The following ZNF713 variants were observed in gnomAD, a reference collection of about 807,000 sequenced individuals.
ZNF713 encodes zinc finger protein 713.
In ZNF713, 21 loss-of-function variants were observed where a neutral mutation model predicts 28.7. The observed-to-expected ratio is 0.73, with a 90% CI of 0.52 to 1.05. The LOEUF is 1.05. Ranked by LOEUF, ZNF713 falls within the 50% of genes least tolerant of loss-of-function variation. ZNF713 has a pLI of 0.00. For missense variants in ZNF713, 458 were observed against 532.4 expected (o/e 0.86, Z 1.37); for synonymous variants, 167 against 178.0 (o/e 0.94, Z 0.49).
intron 3 of ZNF713, 100 bp from the exon 4 acceptor site, chr7:55,912,535 C>T (rs1785803918): frequency 3.9e-6 from 3 of 775,204 alleles, no homozygotes; most frequent in Non-Finnish European, 6.4e-6. Flanking sequence ...TCTTAGAGGG[C>T]TTCTCAGTAC....
At chr7:55,900,333 C>T (rs1487969267) in intron 1 of ZNF713, among the ~76,000 whole-genome samples, 9 of 148,674 alleles carry the variant, frequency 6.1e-5, no homozygotes, top group East Asian at 2.2e-4. Flanking sequence ...CCAGGCATGG[C>T]GGCACGTGTC....
chr7:55,937,064 C>T (rs1178388943), intron 6 of ZNF713, among the ~76,000 whole-genome samples: 1 of 152,044 alleles, frequency 6.6e-6, no homozygotes, highest in Non-Finnish European at 1.5e-5. Context: ...TTGGGGAGGC[C>T]AAGGCGGGCG....
At chr7:55,888,222 C>T (rs543631549) in intron 1 of ZNF713, among the ~76,000 whole-genome samples, 9 of 152,116 alleles carry the variant, frequency 5.9e-5, no homozygotes, top group Non-Finnish European at 1.0e-4. Flanking sequence ...TCCTTTTTAT[C>T]TGTATTTCAT....
At chr7:55,896,733 A>G (rs1243080839) in intron 1 of ZNF713, among the ~76,000 whole-genome samples, 1 of 152,056 alleles carries the variant, frequency 6.6e-6, no homozygotes, top group Non-Finnish European at 1.5e-5. Flanking sequence ...ATGATACCCC[A>G]GTAGCAATAA....
chr7:55,892,389 T>C (rs564167807), intron 1 of ZNF713, among the ~76,000 whole-genome samples: 14 of 151,354 alleles, frequency 9.2e-5, no homozygotes, highest in African/African-American at 2.9e-4. Flanking sequence ...AGGGTTTTAA[T>C]TGGGGACTGG....
In ZNF713 at chr7:55,939,921, A is replaced by G. The variant is rs1393950214; in HGVS notation, c.1247A>G (p.His416Arg). 1 of 1,613,694 alleles carries G rather than the reference A, an allele frequency of 6.2e-7. No homozygotes were observed. The highest frequency in any genetic ancestry group is 8.5e-7 in the Non-Finnish European group (1 of 1,179,862). ...AFSQSAHLNQ[H>R]RKIHTREKLC... ...AGCCAGAGTGCACACCTTAATCAAC[A>G]CAGGAAAATCCATACTCGGGAGAAA... Residue 416 changes from histidine (H) to arginine (R), a missense_variant, in exon 7 of 7, where the codon CAC becomes CGC. His to Arg is a conservative substitution (Grantham distance 29, BLOSUM62 0). Coordinates refer to ENST00000429591, the MANE Select transcript of ZNF713 (RefSeq NM_182633.3).
chr7:55,927,726 G>A (rs1035939069), intron 6 of ZNF713, among the ~76,000 whole-genome samples: 8 of 151,550 alleles, frequency 5.3e-5, no homozygotes, highest in East Asian at 1.9e-4. Context: ...GTAAAACCCC[G>A]TCTCTACTAC....
At chr7:55,898,873 A>T (rs1012325639) in intron 1 of ZNF713, among the ~76,000 whole-genome samples, 1 of 152,198 alleles carries the variant, frequency 6.6e-6, no homozygotes, top group East Asian at 1.9e-4. Context: ...CTTATCACTG[A>T]TCTTGATGGA....
At chr7:55,914,982 G>A (rs943523328) in intron 4 of ZNF713, among the ~76,000 whole-genome samples, 3 of 152,184 alleles carry the variant, frequency 2.0e-5, no homozygotes, top group African/African-American at 4.8e-5. Context: ...AGCCTCCCAA[G>A]TAGCTGGGAC....
At chr7:55,917,171 G>A (rs1376505727) in intron 4 of ZNF713, among the ~76,000 whole-genome samples, 5 of 151,148 alleles carry the variant, frequency 3.3e-5, no homozygotes, top group Non-Finnish European at 4.4e-5. Flanking sequence ...CCGAGATTGC[G>A]CCACTGCACT....
At chr7:55,887,913 A>G (rs1438807942) in intron 1 of ZNF713, among the ~76,000 whole-genome samples, 6 of 132,854 alleles carry the variant, frequency 4.5e-5, no homozygotes, top group East Asian at 2.3e-4. Context: ...GGGAGGCGGC[A>G]GGTGGCGGGA....
chr7:55,903,541 C>G (rs1785616765), intron 1 of ZNF713, among the ~76,000 whole-genome samples: 1 of 151,958 alleles, frequency 6.6e-6, no homozygotes, highest in Non-Finnish European at 1.5e-5. Context: ...GTGGCACACT[C>G]CTGTAATCCC....
chr7:55,923,023 G>A (rs1584312745), intron 4 of ZNF713, 139 bp from the exon 5 acceptor site: 2 of 867,000 alleles, frequency 2.3e-6, no homozygotes, highest in Non-Finnish European at 3.2e-6. Flanking sequence ...TAAAAGAAAA[G>A]TTTGACCTGA....
intron 4 of ZNF713, among the ~76,000 whole-genome samples, chr7:55,917,082 T>C (rs11238384): frequency 0.82 from 124,672 of 151,834 alleles, 51,722 homozygotes; most frequent in East Asian, 0.95. Flanking sequence ...GGCATAGTGG[T>C]GGGCGCCTGT....
Position 55,919,490 on chromosome 7 carries a change from G to GTTTTTTTTTTTTTTTT in ZNF713, c.88-3654_88-3639dup, listed in dbSNP as rs55656709. Among the ~76,000 whole-genome samples, 75 of 66,742 alleles carry GTTTTTTTTTTTTTTTT rather than the reference G, an allele frequency of 1.1e-3. 3 individuals are homozygous for GTTTTTTTTTTTTTTTT. The highest frequency in any genetic ancestry group is 1.7e-3 in the Non-Finnish European group (54 of 32,206). 43.8% of individuals were successfully genotyped at this position (66,742 alleles called of 152,430 possible). On this transcript the variant is annotated intron_variant, in intron 4 of 6. Coordinates refer to ENST00000429591, the MANE Select transcript of ZNF713 (RefSeq NM_182633.3). Reference sequence around the variant, plus strand: ...GCTGGATAAATTGGTAAACACTCCAGTTTTTTTTTTTTTTTTTTTTTTTTT... The same window carrying GTTTTTTTTTTTTTTTT: ...GCTGGATAAATTGGTAAACACTCCAGTTTTTTTTTTTTTTTTTTTTTTTTTTTTTTTTTTTTTTTTT...
chr7:55,894,855 A>C (rs1785445588), intron 1 of ZNF713, among the ~76,000 whole-genome samples: 2 of 152,234 alleles, frequency 1.3e-5, no homozygotes, highest in South Asian at 4.1e-4. Flanking sequence ...AGTGAGATCT[A>C]CAATATTGTC....
intron 6 of ZNF713, among the ~76,000 whole-genome samples, chr7:55,926,043 C>T (rs895775863): frequency 2.6e-5 from 4 of 152,118 alleles, no homozygotes; most frequent in Non-Finnish European, 5.9e-5. Context: ...TGACCGGGCT[C>T]AGTGGCTCAT....
At chr7:55,897,716 C>A (rs1785499406) in intron 1 of ZNF713, among the ~76,000 whole-genome samples, 1 of 152,124 alleles carries the variant, frequency 6.6e-6, no homozygotes, top group African/African-American at 2.4e-5. Flanking sequence ...GTAAATATTA[C>A]CGTCAATGAA....
At chr7:55,927,308 T>G (rs1786115365) in intron 6 of ZNF713, among the ~76,000 whole-genome samples, 1 of 151,986 alleles carries the variant, frequency 6.6e-6, no homozygotes. Context: ...GAAGGATCCC[T>G]TGAGCCCGGG....
Sources: gnomAD v4.1 joint callset for allele counts (sites outside exome capture counted in the v4.1 genomes callset) on GRCh38, gnomAD v4.1.1 for gene constraint, MANE v1.5 for transcripts, NCBI Gene and HGNC (gene_info 2026-07-23, HGNC 2026-07-21) for gene names.